The following STXBP5L variants were observed in gnomAD, a reference collection of about 807,000 sequenced individuals.
STXBP5L encodes the protein syntaxin binding protein 5L.
A neutral mutation model predicts 144.5 loss-of-function variants in STXBP5L; 65 were observed. That is an observed-to-expected ratio of 0.45 (90% confidence interval 0.37 to 0.55). The LOEUF is 0.55. Among genes scored for constraint, STXBP5L ranks in the 20% least tolerant of loss-of-function variants. The pLI, the probability that STXBP5L is intolerant of heterozygous loss-of-function variation, is 0.00. For synonymous variants in STXBP5L, 505 were observed against 469.6 expected, an observed-to-expected ratio of 1.08 and a Z score of -0.97; for missense variants, 1,298 against 1,405.5, an observed-to-expected ratio of 0.92 and a Z score of 1.22.
intron 20 of STXBP5L, among the ~76,000 whole-genome samples, chr3:121,347,895 A>C (rs534228670): frequency 2.2e-4 from 34 of 152,302 alleles, no homozygotes; most frequent in African/African-American, 7.9e-4. Context: ...CAGTCATGTC[A>C]TCTGCAAACA....
chr3:121,192,769 C>T (rs949180047), intron 9 of STXBP5L, among the ~76,000 whole-genome samples: 1 of 152,086 alleles, frequency 6.6e-6, no homozygotes, highest in African/African-American at 2.4e-5. Context: ...GGCTAGCCAT[C>T]TGTAGAGAGC....
intron 3 of STXBP5L, among the ~76,000 whole-genome samples, chr3:120,970,957 G>T (rs1053404951): frequency 6.6e-6 from 1 of 152,118 alleles, no homozygotes; most frequent in Non-Finnish European, 1.5e-5. Flanking sequence ...CTGCCCTGTT[G>T]TTTCCTGAAC....
chr3:121,328,845 G>A (rs2044234306), intron 20 of STXBP5L, among the ~76,000 whole-genome samples: 1 of 151,958 alleles, frequency 6.6e-6, no homozygotes, highest in Admixed American at 6.6e-5. Flanking sequence ...GCTGTACAAA[G>A]GGAAAAAAAT....
intron 2 of STXBP5L, among the ~76,000 whole-genome samples, chr3:120,913,732 G>A (rs1488103485): frequency 6.6e-6 from 1 of 151,842 alleles, no homozygotes; most frequent in Non-Finnish European, 1.5e-5. Flanking sequence ...TGCTTTTGAA[G>A]CAAACCAAGT....
intron 5 of STXBP5L, among the ~76,000 whole-genome samples, chr3:121,070,299 A>T (rs972333450): frequency 4.6e-5 from 7 of 152,172 alleles, no homozygotes; most frequent in African/African-American, 1.7e-4. Context: ...ACCTAAACTT[A>T]TTGGTATTGT....
chr3:121,377,220 T>A (rs2046209853), intron 20 of STXBP5L, among the ~76,000 whole-genome samples: 1 of 152,168 alleles, frequency 6.6e-6, no homozygotes, highest in Non-Finnish European at 1.5e-5. Flanking sequence ...TACCCTTTAT[T>A]TCTTTCTCTT....
chr3:121,274,961 A>G (rs1226423792), intron 18 of STXBP5L, among the ~76,000 whole-genome samples: 2 of 152,186 alleles, frequency 1.3e-5, no homozygotes, highest in East Asian at 3.9e-4. Flanking sequence ...GTAAGAGAGC[A>G]GTCAGTTATT....
intron 5 of STXBP5L, among the ~76,000 whole-genome samples, chr3:121,105,792 TG>T (rs1219909681): frequency 3.9e-5 from 6 of 152,224 alleles, no homozygotes; most frequent in Admixed American, 2.0e-4. Flanking sequence ...ATTTTATTTC[TG>T]TAAAAAAAAT....
At chr3:120,977,743 G>A (rs1200528883) in intron 3 of STXBP5L, among the ~76,000 whole-genome samples, 3 of 152,106 alleles carry the variant, frequency 2.0e-5, no homozygotes, top group Non-Finnish European at 4.4e-5. Context: ...AGGCCTGGTG[G>A]TGACAAAATC....
At chr3:120,952,434 T>G (rs1253708585) in intron 2 of STXBP5L, among the ~76,000 whole-genome samples, 1 of 152,136 alleles carries the variant, frequency 6.6e-6, no homozygotes, top group Non-Finnish European at 1.5e-5. Context: ...TGGATTCTAC[T>G]TATTATAAAT....
intron 5 of STXBP5L, among the ~76,000 whole-genome samples, chr3:121,107,654 C>T (rs957759366): frequency 6.6e-6 from 1 of 152,130 alleles, no homozygotes; most frequent in East Asian, 1.9e-4. Flanking sequence ...ATGGTGCCTG[C>T]AGCTTTCTTC....
intron 5 of STXBP5L, among the ~76,000 whole-genome samples, chr3:121,110,311 T>G (rs2043918945): frequency 6.6e-6 from 1 of 152,226 alleles, no homozygotes; most frequent in Admixed American, 6.6e-5. Context: ...TCATTGGTCT[T>G]TGTACTTCAG....
intron 3 of STXBP5L, among the ~76,000 whole-genome samples, chr3:121,007,946 G>C (rs1171450384): frequency 1.3e-5 from 2 of 151,764 alleles, no homozygotes; most frequent in East Asian, 1.9e-4. Context: ...TTTATAATGG[G>C]AGAGTTAGTG....
chr3:121,022,960 C>G (rs1039312170), intron 3 of STXBP5L, among the ~76,000 whole-genome samples: 15 of 152,114 alleles, frequency 9.9e-5, no homozygotes, highest in African/African-American at 2.9e-4. Context: ...AAGAGGAAGT[C>G]AAACTGTTGC....
chr3:121,315,643 TA>T (rs1362367127), intron 19 of STXBP5L, among the ~76,000 whole-genome samples: 5 of 151,400 alleles, frequency 3.3e-5, no homozygotes, highest in East Asian at 1.9e-4. Context: ...TAATAATAAT[TA>T]AAAAAAGAAG....
intron 5 of STXBP5L, among the ~76,000 whole-genome samples, chr3:121,106,512 T>C (rs2043717842): frequency 6.6e-6 from 1 of 152,216 alleles, no homozygotes; most frequent in Admixed American, 6.5e-5. Context: ...TTTCTGTTCC[T>C]GTGTTAGTTT....
At chr3:121,190,034 G>A (rs370642746) in intron 9 of STXBP5L, among the ~76,000 whole-genome samples, 1 of 151,558 alleles carries the variant, frequency 6.6e-6, no homozygotes, top group East Asian at 1.9e-4. Flanking sequence ...ATTTTAATAA[G>A]CTTTGGTTTT....
intron 3 of STXBP5L, among the ~76,000 whole-genome samples, chr3:120,956,371 TC>T (rs2107709534): frequency 6.6e-6 from 1 of 152,064 alleles, no homozygotes; most frequent in East Asian, 1.9e-4. Flanking sequence ...CATTCTGCTT[TC>T]TGTTTCTATA....
chr3:120,970,794 C>A (rs1413827118), intron 3 of STXBP5L, among the ~76,000 whole-genome samples: 2 of 152,012 alleles, frequency 1.3e-5, no homozygotes, highest in Non-Finnish European at 2.9e-5. Context: ...TGAACACTGG[C>A]CTGCTGTTTT....
Sources: allele counts gnomAD v4.1 joint callset (sites outside exome capture counted in the v4.1 genomes callset), GRCh38; gene constraint gnomAD v4.1.1; transcripts MANE v1.5; gene names NCBI Gene and HGNC (gene_info 2026-07-23, HGNC 2026-07-21).